EQTN: variants seen among roughly 807,000 people sequenced by gnomAD.
EQTN encodes the protein Acrosome formation associated factor.
In EQTN, 29 loss-of-function variants were observed where a neutral mutation model predicts 26.9. That is an observed-to-expected ratio of 1.08 (90% confidence interval 0.80 to 1.47). The LOEUF is 1.47. Among genes scored for constraint, EQTN ranks in the 40% most tolerant of loss-of-function variants. The pLI is 0.00. For missense variants in EQTN, 391 were observed against 346.1 expected (o/e 1.13, Z -1.03); for synonymous variants, 129 against 120.0 (o/e 1.07, Z -0.49).
chr9:27,290,961 T>C (rs1820222181), intron 5 of EQTN, 58 bp downstream of exon 5: 2 of 1,492,396 alleles, frequency 1.3e-6, no homozygotes. Flanking sequence ...ATCTTAGCTC[T>C]AAGTAAGATT....
intron 2 of EQTN, among the ~76,000 whole-genome samples, chr9:27,296,391 T>TA (rs1420384637): frequency 1.3e-5 from 2 of 152,058 alleles, no homozygotes; most frequent in Non-Finnish European, 2.9e-5. Context: ...ACTTTTACCG[T>TA]AAAAAGGATT....
Position 27,286,363 on chromosome 9 carries a change from C to G in EQTN, c.482-1G>C. ...CCCTGTGTAGCATTCACATCAGACT[C>G]TGAAAAGAAAGAGAATGCAGTGGAA... is the stretch of plus-strand genomic sequence containing the variant. On this transcript the variant is annotated splice_acceptor_variant, in intron 6 of 7. Transcript: ENST00000380032. LOFTEE classifies it high-confidence loss of function. The G allele has an allele frequency of 6.3e-7, 1 of 1,585,508 alleles. No individual in the cohort carries two copies. The highest frequency in any genetic ancestry group is 8.6e-7 in the Non-Finnish European group (1 of 1,164,390).
At chr9:27,289,946 C>G (rs1820197813) in intron 5 of EQTN, among the ~76,000 whole-genome samples, 1 of 152,210 alleles carries the variant, frequency 6.6e-6, no homozygotes, top group African/African-American at 2.4e-5. Flanking sequence ...TCCTGCAAGT[C>G]TGGTCACAGC....
At chr9:27,291,236 A>G (rs896722729) in intron 4 of EQTN, among the ~76,000 whole-genome samples, 173 bp from the exon 5 acceptor site, 1 of 152,240 alleles carries the variant, frequency 6.6e-6, no homozygotes, top group East Asian at 1.9e-4. Flanking sequence ...AGGCTCAGAC[A>G]TTACAGTCAA....
At chr9:27,294,505 A>C (rs913576232) in intron 2 of EQTN, 103 bp from the exon 3 acceptor site, 22 of 506,010 alleles carry the variant, frequency 4.3e-5, no homozygotes, top group Non-Finnish European at 6.7e-5. Flanking sequence ...ACTAATTAAA[A>C]AAAAATTAAA....
intron 4 of EQTN, among the ~76,000 whole-genome samples, chr9:27,291,824 CG>C (rs1314194295): frequency 3.3e-5 from 5 of 152,052 alleles, no homozygotes; most frequent in African/African-American, 9.7e-5. Flanking sequence ...TGTAACGACA[CG>C]TAAGTATCCA....
intron 3 of EQTN, among the ~76,000 whole-genome samples, chr9:27,292,896 G>C (rs547396000): frequency 6.6e-6 from 1 of 152,292 alleles, no homozygotes; most frequent in East Asian, 1.9e-4. Context: ...GGGAGGCTGA[G>C]TATTAAGTGT....
chr9:27,289,371 A>G lies in EQTN; in HGVS notation c.481+301T>C, dbSNP rs937771225. Among the ~76,000 whole-genome samples the G allele has an allele frequency of 3.3e-5, 5 of 152,190 alleles. No homozygotes were observed. The South Asian group carries it at 1.0e-3, about 32-fold the overall frequency. Reference sequence around the variant, plus strand: ...CTTTCATACGCCAGACTTCACTAGGAAAAATATTATCATCATAAAGACACT... The same window carrying G: ...CTTTCATACGCCAGACTTCACTAGGGAAAATATTATCATCATAAAGACACT... On this transcript the variant is annotated intron_variant, in intron 6 of 7. Coordinates refer to ENST00000380032, the MANE Select transcript of EQTN (RefSeq NM_020641.3).
chr9:27,287,894 C>A (rs986561372), intron 6 of EQTN, among the ~76,000 whole-genome samples: 31 of 152,294 alleles, frequency 2.0e-4, no homozygotes, highest in African/African-American at 7.2e-4. Context: ...ACCTCTGCCT[C>A]CCGGGTTCAA....
chr9:27,286,162 C>A (rs373132803), intron 7 of EQTN, 47 bp downstream of exon 7: 2 of 1,575,812 alleles, frequency 1.3e-6, no homozygotes, highest in African/African-American at 1.3e-5. Flanking sequence ...GGAGAGAATG[C>A]GATGTCATGC....
At chr9:27,293,589 C>T (rs551522421) in intron 3 of EQTN, among the ~76,000 whole-genome samples, 19 of 152,210 alleles carry the variant, frequency 1.2e-4, no homozygotes, top group Admixed American at 2.6e-4. Context: ...GTGAGGGTTT[C>T]GCAGTCTCTT....
At chr9:27,291,300 GATTA>G (rs1820230415) in intron 4 of EQTN, among the ~76,000 whole-genome samples, 1 of 152,180 alleles carries the variant, frequency 6.6e-6, no homozygotes, top group Non-Finnish European at 1.5e-5. Context: ...TTATGTAGCA[GATTA>G]ATGAAGGCGT....
chr9:27,288,772 A>G (rs1257842629), intron 6 of EQTN, among the ~76,000 whole-genome samples: 1 of 152,212 alleles, frequency 6.6e-6, no homozygotes, highest in Admixed American at 6.5e-5. Flanking sequence ...TACATACTGT[A>G]TGACTCCAAC....
intron 4 of EQTN, among the ~76,000 whole-genome samples, chr9:27,291,591 T>A (rs1196047992): frequency 6.6e-6 from 1 of 152,182 alleles, no homozygotes; most frequent in East Asian, 1.9e-4. Context: ...GTGGCCAGAT[T>A]GTTTCGGAAT....
chr9:27,296,562 C>A, intron 2 of EQTN, 51 bp downstream of exon 2: 2 of 1,272,962 alleles, frequency 1.6e-6, no homozygotes, highest in Non-Finnish European at 2.2e-6. Context: ...TTAAGTGAAA[C>A]CAGGATAATC....
At chr9:27,285,032 G>C (rs1820089477) in intron 7 of EQTN, 60 bp from the exon 8 acceptor site, 2 of 1,450,950 alleles carry the variant, frequency 1.4e-6, no homozygotes, top group Non-Finnish European at 1.8e-6. Flanking sequence ...TTGTAACTCA[G>C]CTTAGAAAAG....
chr9:27,285,776 T>C (rs1820106777), intron 7 of EQTN, among the ~76,000 whole-genome samples: 1 of 152,136 alleles, frequency 6.6e-6, no homozygotes, highest in Admixed American at 6.6e-5. Context: ...CAGGCTTGAG[T>C]TGAATTTAAT....
intron 5 of EQTN, 86 bp from the exon 6 acceptor site, chr9:27,289,817 T>C: frequency 1.1e-6 from 1 of 950,800 alleles, no homozygotes; most frequent in Non-Finnish European, 1.6e-6. Context: ...ATAATTATAG[T>C]ACCCAGTGTG....
At chr9:27,287,215 T>C (rs1019112003) in intron 6 of EQTN, among the ~76,000 whole-genome samples, 2 of 152,178 alleles carry the variant, frequency 1.3e-5, no homozygotes, top group African/African-American at 4.8e-5. Flanking sequence ...ATTTAGGTGA[T>C]AAGCAATGAC....
Sources: gnomAD v4.1 joint callset for allele counts (sites outside exome capture counted in the v4.1 genomes callset) on GRCh38, gnomAD v4.1.1 for gene constraint, MANE v1.5 for transcripts, NCBI Gene and HGNC (gene_info 2026-07-23, HGNC 2026-07-21) for gene names.